EYS: variants seen among roughly 807,000 people sequenced by gnomAD.
The protein encoded by EYS is EGF-like photoreceptor maintenance factor, also known as protein eyes shut homolog.
EYS carries 250 observed loss-of-function variants against 282.1 expected under a neutral mutation model. The ratio of observed to expected loss-of-function variants is 0.89; its 90% CI spans 0.80 to 0.98. The LOEUF (loss-of-function observed/expected upper bound fraction) is 0.98, where lower values mean the gene tolerates loss of function less well. Ranked by LOEUF, EYS falls within the 50% of genes least tolerant of loss-of-function variation. The pLI is 0.00. For missense variants in EYS, 4,016 were observed against 3,709.0 expected (o/e 1.08, Z -2.15); for synonymous variants, 1,355 against 1,282.9 (o/e 1.06, Z -1.20).
intron 5 of EYS, among the ~76,000 whole-genome samples, chr6:65,480,473 G>C (rs1765568139): frequency 6.6e-6 from 1 of 152,006 alleles, no homozygotes; most frequent in Admixed American, 6.6e-5. Context: ...CAAATCACTG[G>C]AGTCAAATAA....
rs1271525251 is a variant in EYS at position 65,443,252 on chromosome 6, A to T, written c.863-37885T>A. Among the ~76,000 whole-genome samples, 2 of 151,296 alleles carry T rather than the reference A, an allele frequency of 1.3e-5. 1 individual carries two copies. Among genetic ancestry groups the T allele is most frequent in the Non-Finnish European group, 3.0e-5 (2 of 67,614 alleles). On this transcript the variant is annotated intron_variant, in intron 5 of 42. Transcript: ENST00000503581. The stretch of plus-strand genomic sequence containing the variant: ...TATGTGAACATATAGACATATGTGT[A>T]TACATATATGCAAACATATAGACAT...
At chr6:65,148,608 G>A (rs542885944) in intron 12 of EYS, among the ~76,000 whole-genome samples, 1 of 152,078 alleles carries the variant, frequency 6.6e-6, no homozygotes, top group Non-Finnish European at 1.5e-5. Flanking sequence ...ACTGTTCTGG[G>A]GGCTGGAGGA....
chr6:64,647,549 G>A (rs1194356746), intron 22 of EYS, among the ~76,000 whole-genome samples: 1 of 152,046 alleles, frequency 6.6e-6, no homozygotes, highest in Non-Finnish European at 1.5e-5. Context: ...CACTACAAAG[G>A]AAAGATGCTT....
At chr6:64,452,540 C>T (rs557400330) in intron 26 of EYS, among the ~76,000 whole-genome samples, 5 of 152,116 alleles carry the variant, frequency 3.3e-5, no homozygotes, top group East Asian at 3.9e-4. Flanking sequence ...AAAAAGAGCC[C>T]GCATTGCCAA....
intron 18 of EYS, among the ~76,000 whole-genome samples, chr6:64,889,180 C>T (rs1767197055): frequency 6.6e-6 from 1 of 151,938 alleles, no homozygotes; most frequent in African/African-American, 2.4e-5. Flanking sequence ...TTCTCTCTCT[C>T]TCATTTTGAA....
At chr6:64,707,585 C>T (rs368431266) in intron 22 of EYS, among the ~76,000 whole-genome samples, 2 of 148,240 alleles carry the variant, frequency 1.3e-5, no homozygotes, top group East Asian at 2.1e-4. Flanking sequence ...AGGAGAATGG[C>T]GTGAACCCGG....
chr6:65,573,915 C>G (rs1764567494), intron 2 of EYS, among the ~76,000 whole-genome samples: 1 of 152,162 alleles, frequency 6.6e-6, no homozygotes. Context: ...GACCCAGGCA[C>G]TAGCTCAGCT....
rs759913782 is a variant in EYS at position 65,495,082 on chromosome 6, G to A, written c.329C>T (p.Ser110Phe). The change falls in exon 4 of 43, where the codon TCT becomes TTT. Residue 110 changes from serine to phenylalanine, a missense_variant. Transcript: ENST00000503581. ...GGTATTTTGCACACAGCCAACGAAAGATGTTTCAGAAACATTCATCAAATT... is the reference window on the plus strand; with the variant it reads ...GGTATTTTGCACACAGCCAACGAAAAATGTTTCAGAAACATTCATCAAATT... ...EINLMNVSET[S>F]FVGCVQNTTT... 2 of 1,614,168 alleles carry A rather than the reference G, an allele frequency of 1.2e-6. No homozygotes were observed. The highest frequency in any genetic ancestry group is 1.1e-5 in the South Asian group (1 of 91,082).
chr6:64,357,335 C>G (rs1771856878), intron 29 of EYS, among the ~76,000 whole-genome samples: 1 of 133,648 alleles, frequency 7.5e-6, no homozygotes, highest in Admixed American at 7.7e-5. Flanking sequence ...CCTCTTATTT[C>G]CACTTTAAGA....
At chr6:63,836,365 T>C (rs940523100) in intron 36 of EYS, among the ~76,000 whole-genome samples, 5 of 151,894 alleles carry the variant, frequency 3.3e-5, no homozygotes, top group African/African-American at 9.6e-5. Flanking sequence ...ATTTGTCTTT[T>C]ACCAAAAAAT....
intron 26 of EYS, among the ~76,000 whole-genome samples, chr6:64,520,455 C>T (rs2150525187): frequency 6.6e-6 from 1 of 151,642 alleles, no homozygotes; most frequent in South Asian, 2.1e-4. Context: ...CATTTTTTCC[C>T]ATTATAGACT....
At chr6:64,948,028 G>A (rs906981461) in intron 14 of EYS, among the ~76,000 whole-genome samples, 3 of 151,644 alleles carry the variant, frequency 2.0e-5, no homozygotes, top group South Asian at 2.1e-4. Flanking sequence ...TTTCTTAAAA[G>A]CTAATAACTA....
chr6:64,138,067 C>A (rs945068288), intron 31 of EYS, among the ~76,000 whole-genome samples: 1 of 151,988 alleles, frequency 6.6e-6, no homozygotes, highest in Non-Finnish European at 1.5e-5. Context: ...AAAGCCAAAG[C>A]GAGATGAAGC....
intron 14 of EYS, among the ~76,000 whole-genome samples, chr6:64,983,851 C>T (rs1490631568): frequency 1.3e-5 from 2 of 151,208 alleles, no homozygotes; most frequent in Non-Finnish European, 3.0e-5. Flanking sequence ...AACCATGAGT[C>T]TAAAGAAGAC....
intron 30 of EYS, among the ~76,000 whole-genome samples, chr6:64,263,899 T>C (rs565621163): frequency 6.6e-6 from 1 of 152,268 alleles, no homozygotes; most frequent in Admixed American, 6.5e-5. Flanking sequence ...AGCCTGCAGC[T>C]TCAAATATGC....
chr6:65,142,051 C>T (rs1051194317), intron 12 of EYS, among the ~76,000 whole-genome samples: 1 of 151,982 alleles, frequency 6.6e-6, no homozygotes, highest in Non-Finnish European at 1.5e-5. Flanking sequence ...CTACAGTCCT[C>T]ATGTTGTACA....
At chr6:65,596,014 G>A (rs1050098307) in intron 2 of EYS, among the ~76,000 whole-genome samples, 2 of 151,992 alleles carry the variant, frequency 1.3e-5, no homozygotes, top group East Asian at 3.9e-4. Context: ...TATGAGGAGA[G>A]AGGTCCATCT....
chr6:64,781,576 C>CAAAAAAA (rs5876923), intron 22 of EYS, among the ~76,000 whole-genome samples: 1 of 87,744 alleles, frequency 1.1e-5, no homozygotes, highest in African/African-American at 4.8e-5. Context: ...GACTCCGTCT[C>CAAAAAAA]AAAAAAAAAA....
intron 12 of EYS, among the ~76,000 whole-genome samples, chr6:65,252,097 G>C (rs1270336589): frequency 6.6e-6 from 1 of 151,850 alleles, no homozygotes; most frequent in African/African-American, 2.4e-5. Flanking sequence ...TCTTGCATCA[G>C]ATGGGGATGC....
Sources: gnomAD v4.1 joint callset for allele counts (sites outside exome capture counted in the v4.1 genomes callset) on GRCh38, gnomAD v4.1.1 for gene constraint, MANE v1.5 for transcripts, NCBI Gene and HGNC (gene_info 2026-07-23, HGNC 2026-07-21) for gene names.